The following CDH4 variants were observed in gnomAD, a reference collection of about 807,000 sequenced individuals.
CDH4 encodes the protein cadherin 4, also known as cadherin-4.
CDH4 carries 33 observed loss-of-function variants against 86.0 expected under a neutral mutation model. The ratio of observed to expected loss-of-function variants is 0.38; its 90% CI spans 0.29 to 0.51. The LOEUF (loss-of-function observed/expected upper bound fraction) is 0.51, where lower values mean the gene tolerates loss of function less well. CDH4 is among the 20% of genes least tolerant of loss of function. The pLI, the probability that CDH4 is intolerant of heterozygous loss-of-function variation, is 0.86. For synonymous variants in CDH4, 555 were observed against 549.4 expected, an observed-to-expected ratio of 1.01 and a Z score of -0.14; for missense variants, 1,114 against 1,307.4, an observed-to-expected ratio of 0.85 and a Z score of 2.28.
intron 2 of CDH4, among the ~76,000 whole-genome samples, chr20:61,504,196 G>A (rs1026080058): frequency 1.3e-5 from 2 of 152,222 alleles, no homozygotes; most frequent in African/African-American, 4.8e-5. Context: ...TTCCAACGGG[G>A]CTGGCTCCGT....
rs189470189 is a variant in CDH4 at position 61,698,422 on chromosome 20, G to A, written c.170-45141G>A. On this transcript the variant is annotated intron_variant, in intron 2 of 15. Transcript: ENST00000614565. ...GGAAAGTGGGAGCCGCAGCCCTGCC[G>A]TCCGGGTGCTTCCCATTCAGGGGAA... Among the ~76,000 whole-genome samples the A allele has an allele frequency of 5.6e-3, 854 of 152,352 alleles. 5 individuals carry two copies. Among genetic ancestry groups the A allele is most frequent in the African/African-American group, 0.019 (788 of 41,596 alleles).
At chr20:61,831,476 G>A (rs575569632) in intron 4 of CDH4, among the ~76,000 whole-genome samples, 166 of 152,368 alleles carry the variant, frequency 1.1e-3, no homozygotes, top group African/African-American at 3.9e-3. Context: ...CAGGACGGGT[G>A]AGTCCCTTGG....
chr20:61,794,002 G>T (rs1244146196), intron 4 of CDH4, among the ~76,000 whole-genome samples: 1 of 151,062 alleles, frequency 6.6e-6, no homozygotes, highest in Admixed American at 6.6e-5. Context: ...AATTAGCTGG[G>T]CGTGGTGGCG....
intron 3 of CDH4, among the ~76,000 whole-genome samples, chr20:61,756,565 G>A (rs187041282): frequency 0.03 from 647 of 21,774 alleles, 1 homozygote; most frequent in African/African-American, 0.099. Flanking sequence ...CCTCATCCCC[G>A]GGTCCCTCCC....
intron 2 of CDH4, among the ~76,000 whole-genome samples, chr20:61,651,454 G>A (rs1019722567): frequency 1.3e-5 from 2 of 152,208 alleles, no homozygotes; most frequent in Admixed American, 6.5e-5. Flanking sequence ...TCCTTCTGCC[G>A]CTTTCCCACC....
chr20:61,404,727 T>C (rs1471701740), intron 2 of CDH4, among the ~76,000 whole-genome samples: 1 of 152,126 alleles, frequency 6.6e-6, no homozygotes, highest in African/African-American at 2.4e-5. Context: ...TTTTTTTTTT[T>C]TTCTTTTTTT....
At chr20:61,297,692 G>A (rs144444267) in intron 2 of CDH4, among the ~76,000 whole-genome samples, 1 of 152,386 alleles carries the variant, frequency 6.6e-6, no homozygotes, top group Non-Finnish European at 1.5e-5. Flanking sequence ...CCTAGAGCAG[G>A]CTGGATTCTG....
chr20:61,559,997 C>G (rs187769191), intron 2 of CDH4, among the ~76,000 whole-genome samples: 22 of 152,286 alleles, frequency 1.4e-4, no homozygotes, highest in African/African-American at 4.6e-4. Context: ...CTCTGTCCAT[C>G]GACATCCAAC....
At chr20:61,263,106 G>A (rs562400669) in intron 2 of CDH4, among the ~76,000 whole-genome samples, 19 of 152,062 alleles carry the variant, frequency 1.2e-4, no homozygotes, top group Non-Finnish European at 1.8e-4. Context: ...GCTTCTTTCC[G>A]TCAAGGGCGG....
chr20:61,255,025 C>T (rs1693975330), intron 2 of CDH4, 88 bp downstream of exon 2: 9 of 799,400 alleles, frequency 1.1e-5, no homozygotes, highest in Non-Finnish European at 1.8e-5. Flanking sequence ...AGGCTTGCCT[C>T]ATCTTTGTGC....
chr20:61,927,961 G>C (rs2055062912), intron 11 of CDH4, among the ~76,000 whole-genome samples: 1 of 152,242 alleles, frequency 6.6e-6, no homozygotes, highest in Non-Finnish European at 1.5e-5. Context: ...GCAGTGGTGT[G>C]GCTGCCCATG....
At chr20:61,300,004 C>T (rs539511815) in intron 2 of CDH4, among the ~76,000 whole-genome samples, 23 of 152,292 alleles carry the variant, frequency 1.5e-4, no homozygotes, top group Admixed American at 1.4e-3. Flanking sequence ...AGGGACATTA[C>T]TGAAAATGGC....
rs899204348 is a variant in CDH4, at chr20:61,311,437, G to A, written c.169+56500G>A. Among the ~76,000 whole-genome samples the A allele has an allele frequency of 5.9e-5, 9 of 152,270 alleles. 1 individual carries two copies. Among genetic ancestry groups the A allele is most frequent in the East Asian group, 1.9e-4 (1 of 5,188 alleles). On this transcript the variant is annotated intron_variant, in intron 2 of 15. Coordinates refer to ENST00000614565, the MANE Select transcript of CDH4 (RefSeq NM_001794.5). The stretch of plus-strand genomic sequence containing the variant: ...ACTTCTCACCTTTCCATATAAAGAT[G>A]TAATATAGACTGGTGAGAACAATGC...
chr20:61,822,224 G>A (rs771962359), intron 4 of CDH4, among the ~76,000 whole-genome samples: 6 of 152,174 alleles, frequency 3.9e-5, no homozygotes, highest in Non-Finnish European at 8.8e-5. Context: ...ACATCTCGAT[G>A]CCTAGAAAAA....
chr20:61,534,648 C>CTTTCTT (rs1568881693), intron 2 of CDH4, among the ~76,000 whole-genome samples: 13 of 108,372 alleles, frequency 1.2e-4, no homozygotes, highest in African/African-American at 3.2e-4. Context: ...TTCTTTCTTT[C>CTTTCTT]TTTTCTTTCT....
intron 4 of CDH4, among the ~76,000 whole-genome samples, chr20:61,827,945 G>A (rs1254424389): frequency 2.6e-5 from 4 of 152,004 alleles, no homozygotes; most frequent in East Asian, 1.9e-4. Context: ...TAAATCTCAC[G>A]GGTCACCCTT....
intron 2 of CDH4, among the ~76,000 whole-genome samples, chr20:61,515,305 C>A (rs1399640258): frequency 6.6e-6 from 1 of 152,218 alleles, no homozygotes; most frequent in Admixed American, 6.5e-5. Flanking sequence ...ACAGCAGGAA[C>A]CTGCAGGTCC....
chr20:61,832,704 A>C (rs970497112), intron 4 of CDH4, among the ~76,000 whole-genome samples: 1 of 152,080 alleles, frequency 6.6e-6, no homozygotes, highest in Non-Finnish European at 1.5e-5. Context: ...CCCATGATCC[A>C]TTCATCTCCC....
intron 2 of CDH4, among the ~76,000 whole-genome samples, chr20:61,519,005 A>G (rs1224532989): frequency 1.3e-5 from 2 of 152,158 alleles, no homozygotes; most frequent in African/African-American, 2.4e-5. Context: ...TCATCCATGC[A>G]TTCCCAGGAT....
Sources: allele counts gnomAD v4.1 joint callset (sites outside exome capture counted in the v4.1 genomes callset), GRCh38; gene constraint gnomAD v4.1.1; transcripts MANE v1.5; gene names NCBI Gene and HGNC (gene_info 2026-07-23, HGNC 2026-07-21).